The following POGZ variants were observed in gnomAD, a reference collection of about 807,000 sequenced individuals.
POGZ encodes pogo transposable element derived with ZNF domain, also known as pogo transposable element with ZNF domain.
Under a neutral mutation model 134.6 loss-of-function variants are expected in POGZ, and 17 were observed. The ratio of observed to expected loss-of-function variants is 0.13; its 90% CI spans 0.09 to 0.19. The LOEUF is 0.19. Among genes scored for constraint, POGZ ranks in the 10% least tolerant of loss-of-function variants. The probability of loss-of-function intolerance (pLI) is 1.00; values close to 1 mark genes in which losing one functional copy is unlikely to be tolerated. For missense variants in POGZ, 1,306 were observed against 1,769.7 expected, an observed-to-expected ratio of 0.74 and a Z score of 4.70; for synonymous variants, 693 against 657.1, an observed-to-expected ratio of 1.05 and a Z score of -0.84.
intron 3 of POGZ, among the ~76,000 whole-genome samples, chr1:151,437,398 T>A (rs1659800574): frequency 6.6e-6 from 1 of 152,218 alleles, no homozygotes; most frequent in Non-Finnish European, 1.5e-5. Context: ...TTTTTAATTT[T>A]AAATTTCTAA....
intron 10 of POGZ, among the ~76,000 whole-genome samples, chr1:151,422,869 G>A (rs1657167968): frequency 6.6e-6 from 1 of 152,106 alleles, no homozygotes; most frequent in Admixed American, 6.5e-5. Context: ...TGGGATTACA[G>A]GCGTGAGCCA....
rs1403043580 is a variant in POGZ at position 151,406,317 on chromosome 1, T to C, written c.2718A>G (p.Pro906=). ...CAGTTGAGGCTGGTGATGGGAGTGC[T>C]GGGGCTAAGGGAGTTAGTAGCTCTT... ...EPEELLTPLA[P]ALPSPASTAT... is the part of the protein sequence containing the mutation. Residue 906 remains proline, a synonymous_variant, in exon 19 of 19, where the codon CCA becomes CCG. Transcript: ENST00000271715. The C allele has an allele frequency of 6.2e-7, 1 of 1,610,026 alleles. No homozygotes were observed. The highest frequency in any genetic ancestry group is 8.5e-7 in the Non-Finnish European group (1 of 1,177,778).
At chr1:151,411,003 C>G (rs892039248) in intron 12 of POGZ, among the ~76,000 whole-genome samples, 4 of 152,216 alleles carry the variant, frequency 2.6e-5, no homozygotes, top group African/African-American at 9.7e-5. Flanking sequence ...TGAAAAAGGC[C>G]TTCTAGCTAG....
At chr1:151,458,216 G>A (rs1424127683) in intron 1 of POGZ, among the ~76,000 whole-genome samples, 4 of 152,092 alleles carry the variant, frequency 2.6e-5, no homozygotes, top group African/African-American at 7.2e-5. Context: ...ACAACACGCA[G>A]AAAGACGGAA....
At chr1:151,420,132 G>A (rs1468803862) in intron 10 of POGZ, among the ~76,000 whole-genome samples, 1 of 152,076 alleles carries the variant, frequency 6.6e-6, no homozygotes, top group Non-Finnish European at 1.5e-5. Context: ...AGGCTGCAGT[G>A]AGCTAAGATT....
chr1:151,427,898 C>T lies in POGZ; in HGVS notation c.1003G>A (p.Gly335Arg), dbSNP rs757418296. ...NTIPSLGQSP[G>R]PVVVSNNSSA... ...CTGTTGTTGGACACCACCACTGGCC[C>T]AGGACTCTGGCCCAGGGAAGGGATG... is the stretch of plus-strand genomic sequence containing the variant. The change falls in exon 7 of 19, where the codon GGG (glycine) becomes AGG (arginine). Residue 335 changes from glycine to arginine, a missense_variant. Physicochemically the swap from Gly to Arg is moderately radical, Grantham distance 125. Transcript: ENST00000271715. 1 of 1,614,110 alleles carries T rather than the reference C, an allele frequency of 6.2e-7. No individual in the cohort carries two copies. The highest frequency in any genetic ancestry group is 8.5e-7 in the Non-Finnish European group (1 of 1,179,996).
chr1:151,423,588 A>G (rs766357162), intron 9 of POGZ, 37 bp from the exon 10 acceptor site: 2 of 1,527,882 alleles, frequency 1.3e-6, no homozygotes, highest in Non-Finnish European at 9.0e-7. Flanking sequence ...CAGAAAACAT[A>G]AAAAATTGGT....
intron 1 of POGZ, among the ~76,000 whole-genome samples, chr1:151,458,714 G>A (rs1202611610): frequency 1.4e-5 from 2 of 144,166 alleles, no homozygotes; most frequent in African/African-American, 2.5e-5. Context: ...TCCCCAGCGG[G>A]CCACCGCCCG....
In POGZ at chr1:151,411,750, G is replaced by A. The variant is rs765380817; in HGVS notation, c.1801C>T (p.Leu601Phe). The change falls in exon 12 of 19, where the codon CTC becomes TTC. Residue 601 changes from leucine (L) to phenylalanine (F), a missense_variant. This residue lies in a region of POGZ where 149 missense variants were observed against 237.5 expected (regional missense o/e 0.63). Transcript: ENST00000271715. ...AAATGGACATCTACCTCAGAGTAGA[G>A]TGAGGAGCGATATTGACACACCTGA... Reference protein sequence around the residue: ...VCQVCQYRSSLYSEVDVHFRM... With the variant: ...VCQVCQYRSSFYSEVDVHFRM... 6.2e-7 allele frequency: 1 copy of A among 1,612,786 alleles called. No homozygotes were observed.
intron 7 of POGZ, chr1:151,426,773 C>T (rs1211672799): frequency 2.6e-5 from 4 of 151,976 alleles, no homozygotes; most frequent in South Asian, 2.1e-4. Context: ...AGCTTTTTGT[C>T]CTATAATTTT....
intron 5 of POGZ, among the ~76,000 whole-genome samples, chr1:151,429,230 T>C (rs1330949919): frequency 6.6e-6 from 1 of 152,054 alleles, no homozygotes; most frequent in Non-Finnish European, 1.5e-5. Context: ...CTAAAATCTA[T>C]GCTATAAAAT....
chr1:151,426,249 C>T (rs896726972), intron 7 of POGZ: 2 of 151,352 alleles, frequency 1.3e-5, no homozygotes, highest in African/African-American at 2.4e-5. Flanking sequence ...TGCAGTGGCA[C>T]AATCTCGACT....
At chr1:151,419,402 C>T (rs1473859223) in intron 10 of POGZ, among the ~76,000 whole-genome samples, 56 of 151,860 alleles carry the variant, frequency 3.7e-4, no homozygotes, top group Admixed American at 3.7e-3. Flanking sequence ...GTAATCACAG[C>T]ACTTTGAGGC....
intron 1 of POGZ, among the ~76,000 whole-genome samples, chr1:151,456,155 C>T (rs987350703): frequency 8.5e-5 from 13 of 152,070 alleles, no homozygotes; most frequent in Admixed American, 5.9e-4. Flanking sequence ...GGATCTTTTG[C>T]CTTTGCTTGA....
chr1:151,411,321 T>C lies in POGZ; in HGVS notation c.1926+304A>G, dbSNP rs754502817. ...CTCATTCTTATTCATCCCTCAGGTA[T>C]TGAACAACACTTCTTTCTGGAAGCC... On this transcript the variant is annotated intron_variant, in intron 12 of 18. Transcript: ENST00000271715. 2.0e-5 allele frequency among the ~76,000 whole-genome samples: 3 copies of C among 152,346 alleles called. No individual in the cohort carries two copies. The South Asian group carries it at 6.2e-4, about 32-fold the overall frequency.
chr1:151,427,879 T>C lies in POGZ; in HGVS notation c.1022A>G (p.Asn341Ser), dbSNP rs775918310. 5.6e-6 allele frequency: 9 copies of C among 1,614,134 alleles called. No homozygotes were observed. Among genetic ancestry groups the C allele is most frequent in the East Asian group, 2.2e-5 (1 of 44,870 alleles). Residue 341 changes from asparagine to serine, a missense_variant, in exon 7 of 19, where the codon AAC becomes AGC. By Grantham distance (46) the Asn-to-Ser change is conservative. This residue lies in a region of POGZ where 541 missense variants were observed against 680.5 expected (regional missense o/e 0.80). Transcript: ENST00000271715. ...GQSPGPVVVS[N>S]NSSAHGSQRT... ...TTGAGAGCCATGAGCAGAGCTGTTG[T>C]TGGACACCACCACTGGCCCAGGACT...
rs745677294 is a variant in POGZ, at chr1:151,424,275, T to C, written c.1197A>G (p.Pro399=). The C allele has an allele frequency of 2.5e-5, 40 of 1,588,310 alleles. No homozygotes were observed. Among genetic ancestry groups the C allele is most frequent in the Non-Finnish European group, 3.3e-5 (39 of 1,165,068 alleles). ...CTTTCTTCTGGTATTCAACCATTTCTGGGCAACAGTACTATAAAGAAAGAC... is the reference window on the plus strand; with the variant it reads ...CTTTCTTCTGGTATTCAACCATTTCCGGGCAACAGTACTATAAAGAAAGAC... ...ALRGHMCYCC[P]EMVEYQKKGK... Residue 399 remains proline, a synonymous_variant, in exon 9 of 19, where the codon CCA becomes CCG. Transcript: ENST00000271715.
At chr1:151,418,716 A>G (rs766062215) in intron 10 of POGZ, among the ~76,000 whole-genome samples, 1 of 152,142 alleles carries the variant, frequency 6.6e-6, no homozygotes, top group East Asian at 1.9e-4. Context: ...TTATGCATCA[A>G]TTCTTTTTTT....
rs187424620 is a variant in POGZ, at chr1:151,437,880, T to G, written c.283+3048A>C. Among the ~76,000 whole-genome samples, 300 of 152,262 alleles carry G rather than the reference T, an allele frequency of 2.0e-3. 1 individual carries two copies. Among genetic ancestry groups the G allele is most frequent in the African/African-American group, 7.1e-3 (295 of 41,554 alleles). ...AGGCAGTATTTCTCATTCACTTTAT[T>G]CTGAAGCCATATCCTTAAAGTTGGA... is the stretch of plus-strand genomic sequence containing the variant. On this transcript the variant is annotated intron_variant, in intron 3 of 18. Coordinates refer to ENST00000271715, the MANE Select transcript of POGZ (RefSeq NM_015100.4).
Sources: allele counts gnomAD v4.1 joint callset (sites outside exome capture counted in the v4.1 genomes callset), GRCh38; gene constraint gnomAD v4.1.1; regional missense constraint gnomAD v4.1.1; transcripts MANE v1.5; gene names NCBI Gene and HGNC (gene_info 2026-07-23, HGNC 2026-07-21).